The following IFT88 variants were observed in gnomAD, a reference collection of about 807,000 sequenced individuals.
IFT88 encodes intraflagellar transport protein 88 homolog.
A neutral mutation model predicts 119.5 loss-of-function variants in IFT88; 74 were observed. That is an observed-to-expected ratio of 0.62 (90% CI 0.51 to 0.75). The LOEUF is 0.75. Ranked by LOEUF, IFT88 falls within the 30% of genes least tolerant of loss-of-function variation. The pLI, the probability that IFT88 is intolerant of heterozygous loss-of-function variation, is 0.00. For missense variants in IFT88, 961 were observed against 977.7 expected, an observed-to-expected ratio of 0.98 and a Z score of 0.23; for synonymous variants, 279 against 316.7, an observed-to-expected ratio of 0.88 and a Z score of 1.26.
At position 20,645,474 on chromosome 13, in the gene IFT88, T is replaced by A. The variant is rs892353573; in HGVS notation, c.1949+516T>A. ...ATATTTCCCTTTGCATAGAATTTTT[T>A]AAATATCCTCTTTAAGATACTTTTC... On this transcript the variant is annotated intron_variant, in intron 20 of 25. Transcript: ENST00000351808. Among the ~76,000 whole-genome samples, 15 of 152,200 alleles carry A rather than the reference T, an allele frequency of 9.9e-5. 1 individual carries two copies. The highest frequency in any genetic ancestry group is 2.2e-4 in the Non-Finnish European group (15 of 68,036).
chr13:20,567,744 G>GT, intron 1 of IFT88: 2 of 1,329,954 alleles, frequency 1.5e-6, no homozygotes, highest in Non-Finnish European at 1.9e-6. Context: ...GCAGAAAGCG[G>GT]TACTTAGCCT....
rs117918709 is a variant in IFT88 at position 20,621,838 on chromosome 13, G to T, written c.1200-3912G>T. On this transcript the variant is annotated intron_variant, in intron 14 of 25. Transcript: ENST00000351808. ...TACATGATGTCCTGTACCCACCATT[G>T]TAGTATTGTATAGAATAGCTTCACT... 6.4e-3 allele frequency among the ~76,000 whole-genome samples: 978 copies of T among 152,220 alleles called. 7 individuals are homozygous for T. The highest frequency in any genetic ancestry group is 9.7e-3 in the Non-Finnish European group (657 of 68,004).
intron 12 of IFT88, among the ~76,000 whole-genome samples, chr13:20,603,925 T>C (rs1008120683): frequency 1.3e-5 from 2 of 151,922 alleles, no homozygotes; most frequent in Non-Finnish European, 2.9e-5. Flanking sequence ...GCCAGCCTGG[T>C]GGTGTGCACC....
At chr13:20,623,508 T>C (rs2046845429) in intron 14 of IFT88, among the ~76,000 whole-genome samples, 1 of 152,198 alleles carries the variant, frequency 6.6e-6, no homozygotes, top group African/African-American at 2.4e-5. Flanking sequence ...GGAGTTTTGC[T>C]CTGTCGCCCA....
At chr13:20,568,142 A>T in intron 1 of IFT88, 1 of 541,682 alleles carries the variant, frequency 1.8e-6, no homozygotes, top group Non-Finnish European at 3.4e-6. Flanking sequence ...GACTGTCCAT[A>T]GTCAGTAGAA....
At chr13:20,686,733 TAA>T (rs773756771) in intron 24 of IFT88, among the ~76,000 whole-genome samples, 67 of 152,198 alleles carry the variant, frequency 4.4e-4, no homozygotes, top group Middle Eastern at 3.2e-3. Flanking sequence ...TTTTCTATCT[TAA>T]GTTTATTACT....
chr13:20,671,337 T>C (rs1024403700), intron 24 of IFT88, among the ~76,000 whole-genome samples: 1 of 152,194 alleles, frequency 6.6e-6, no homozygotes, highest in Non-Finnish European at 1.5e-5. Context: ...GGCGTACTTA[T>C]GAGGTTTTGC....
intron 14 of IFT88, among the ~76,000 whole-genome samples, chr13:20,616,730 G>GTA (rs1312107711): frequency 6.6e-6 from 1 of 152,090 alleles, no homozygotes; most frequent in East Asian, 1.9e-4. Flanking sequence ...CAAGTATTAT[G>GTA]TACTGTACAT....
intron 17 of IFT88, among the ~76,000 whole-genome samples, chr13:20,640,304 G>A (rs920010973): frequency 2.0e-5 from 3 of 151,740 alleles, no homozygotes; most frequent in African/African-American, 7.3e-5. Context: ...CAGGTGTGGT[G>A]GCTCATGCCT....
intron 23 of IFT88, among the ~76,000 whole-genome samples, chr13:20,668,722 G>A (rs961398401): frequency 6.6e-6 from 1 of 152,212 alleles, no homozygotes; most frequent in Non-Finnish European, 1.5e-5. Flanking sequence ...GACACACAGG[G>A]GGTCTCCTGA....
intron 22 of IFT88, among the ~76,000 whole-genome samples, chr13:20,657,998 G>A (rs926327291): frequency 5.3e-5 from 8 of 151,948 alleles, no homozygotes; most frequent in South Asian, 2.1e-4. Flanking sequence ...TAGGAGCAGG[G>A]TGTTCTCCAA....
At chr13:20,668,592 A>G (rs1282891677) in intron 23 of IFT88, among the ~76,000 whole-genome samples, 1 of 152,198 alleles carries the variant, frequency 6.6e-6, no homozygotes, top group Non-Finnish European at 1.5e-5. Context: ...GCAAATAGGC[A>G]TTCAGTTGGA....
At chr13:20,620,437 A>G (rs1174957327) in intron 14 of IFT88, among the ~76,000 whole-genome samples, 2 of 152,224 alleles carry the variant, frequency 1.3e-5, no homozygotes, top group African/African-American at 4.8e-5. Flanking sequence ...AACACTTGAT[A>G]TCTGGTAGTG....
chr13:20,637,385 A>G (rs1195926244), intron 16 of IFT88, among the ~76,000 whole-genome samples: 1 of 152,228 alleles, frequency 6.6e-6, no homozygotes, highest in Non-Finnish European at 1.5e-5. Flanking sequence ...TGAAGGAGCC[A>G]TGGCGGTGAA....
At position 20,671,505 on chromosome 13, in the gene IFT88, C is replaced by T. The variant is rs1320665335; in HGVS notation, c.2242+466C>T. On this transcript the variant is annotated intron_variant, in intron 24 of 25. Coordinates refer to ENST00000351808, the MANE Select transcript of IFT88 (RefSeq NM_006531.5). Reference sequence around the variant, plus strand: ...ACATAGTGTGAGTCCCAGTCTTGATCGTGACGATGTATATATGTCTTTGGA... The same window carrying T: ...ACATAGTGTGAGTCCCAGTCTTGATTGTGACGATGTATATATGTCTTTGGA... 3.9e-5 allele frequency among the ~76,000 whole-genome samples: 6 copies of T among 152,184 alleles called. No individual in the cohort carries two copies. In the South Asian group the frequency reaches 1.0e-3, roughly 26 times the overall value.
At chr13:20,690,383 G>C (rs752362217) in intron 24 of IFT88, among the ~76,000 whole-genome samples, 1 of 152,146 alleles carries the variant, frequency 6.6e-6, no homozygotes, top group Non-Finnish European at 1.5e-5. Context: ...GGCAGCCATT[G>C]CCTATTTGGG....
chr13:20,617,320 G>A (rs1277363591), intron 14 of IFT88, among the ~76,000 whole-genome samples: 1 of 152,114 alleles, frequency 6.6e-6, no homozygotes, highest in Non-Finnish European at 1.5e-5. Context: ...TAAGCCAGAA[G>A]CAGGGTGATT....
intron 24 of IFT88, among the ~76,000 whole-genome samples, chr13:20,682,561 A>T (rs2057442418): frequency 6.6e-6 from 1 of 152,214 alleles, no homozygotes; most frequent in South Asian, 2.1e-4. Context: ...TTTCTGTGGC[A>T]CTACTGTAGT....
intron 2 of IFT88, among the ~76,000 whole-genome samples, chr13:20,579,392 T>C (rs2038095128): frequency 6.6e-6 from 1 of 152,124 alleles, no homozygotes; most frequent in Admixed American, 6.5e-5. Flanking sequence ...TTTCCACCCT[T>C]TTCCCCAGGC....
Sources: gnomAD v4.1 joint callset for allele counts (sites outside exome capture counted in the v4.1 genomes callset) on GRCh38, gnomAD v4.1.1 for gene constraint, MANE v1.5 for transcripts, NCBI Gene and HGNC (gene_info 2026-07-23, HGNC 2026-07-21) for gene names.